The following RORA variants were observed in gnomAD, a reference collection of about 807,000 sequenced individuals.
RORA encodes the protein nuclear receptor ROR-alpha.
In RORA, 7 loss-of-function variants were observed where a neutral mutation model predicts 69.5. The observed-to-expected ratio is 0.10, with a 90% CI of 0.06 to 0.19. RORA has a LOEUF of 0.19. RORA is among the 10% of genes least tolerant of loss of function. The pLI is 1.00. For synonymous variants in RORA, 261 were observed against 240.8 expected (o/e 1.08, Z -0.78); for missense variants, 457 against 663.0 (o/e 0.69, Z 3.41).
intron 2 of RORA, among the ~76,000 whole-genome samples, chr15:60,655,782 G>A (rs2070212782): frequency 6.6e-6 from 1 of 152,242 alleles, no homozygotes; most frequent in Middle Eastern, 3.4e-3. Flanking sequence ...TTTGTCAACA[G>A]GCCACACATA....
chr15:61,137,840 T>A (rs1039383749), intron 1 of RORA, among the ~76,000 whole-genome samples: 6 of 152,186 alleles, frequency 3.9e-5, no homozygotes, highest in African/African-American at 7.2e-5. Context: ...GACATAACTA[T>A]CACACAATCA....
chr15:60,721,508 C>T (rs1016143378), intron 1 of RORA, among the ~76,000 whole-genome samples: 24 of 152,204 alleles, frequency 1.6e-4, no homozygotes, highest in Non-Finnish European at 2.9e-5. Context: ...CTCATACAGA[C>T]CAGATTTGTT....
At chr15:60,599,859 G>C (rs989846184) in intron 2 of RORA, among the ~76,000 whole-genome samples, 3 of 152,150 alleles carry the variant, frequency 2.0e-5, no homozygotes, top group African/African-American at 7.2e-5. Flanking sequence ...CTTATTGTAA[G>C]GATTAATCGT....
chr15:61,014,328 G>A (rs1034668616), intron 1 of RORA, among the ~76,000 whole-genome samples: 9 of 152,216 alleles, frequency 5.9e-5, no homozygotes, highest in Non-Finnish European at 4.4e-5. Flanking sequence ...GCACATAGTA[G>A]GTCCTTAGAC....
Position 60,567,415 on chromosome 15 carries a change from TA to T in RORA, c.197-35565del, listed in dbSNP as rs201636858. 4.7e-3 allele frequency among the ~76,000 whole-genome samples: 687 copies of T among 145,942 alleles called. 6 individuals are homozygous for T. The highest frequency in any genetic ancestry group is 0.016 in the African/African-American group (637 of 39,742). ...TTATCATTATTATTATTATTATTAT[TA>T]TTTTTTTTTTTCTGAGACTGAGTCT... On this transcript the variant is annotated intron_variant, in intron 2 of 10. Coordinates refer to ENST00000335670, the MANE Select transcript of RORA (RefSeq NM_134261.3).
intron 2 of RORA, among the ~76,000 whole-genome samples, chr15:60,558,674 T>A (rs1222616923): frequency 6.6e-6 from 1 of 152,254 alleles, no homozygotes; most frequent in South Asian, 2.1e-4. Context: ...TATTGGAGAT[T>A]GGTTTTATGT....
intron 1 of RORA, among the ~76,000 whole-genome samples, chr15:60,779,887 T>C (rs2072229169): frequency 6.6e-6 from 1 of 152,174 alleles, no homozygotes; most frequent in Admixed American, 6.5e-5. Context: ...GAGGTTTGCC[T>C]CAACTCGAAG....
At chr15:60,817,912 G>A (rs12903157) in intron 1 of RORA, among the ~76,000 whole-genome samples, 24,078 of 152,212 alleles carry the variant, frequency 0.16, 2,122 homozygotes, top group East Asian at 0.27. Flanking sequence ...TGAATACAAG[G>A]ATACAGTTTT....
At chr15:60,622,106 C>T (rs1198373641) in intron 2 of RORA, among the ~76,000 whole-genome samples, 2 of 151,798 alleles carry the variant, frequency 1.3e-5, no homozygotes, top group African/African-American at 2.4e-5. Context: ...GTGTATACTC[C>T]CTCTATAATA....
chr15:60,911,894 A>C (rs1282487379), intron 1 of RORA, among the ~76,000 whole-genome samples: 3 of 151,458 alleles, frequency 2.0e-5, no homozygotes, highest in African/African-American at 7.3e-5. Flanking sequence ...AAATACAAAA[A>C]AGACAGGGTT....
intron 6 of RORA, among the ~76,000 whole-genome samples, chr15:60,505,201 T>C (rs1458010497): frequency 3.9e-5 from 6 of 152,254 alleles, no homozygotes; most frequent in African/African-American, 1.4e-4. Context: ...TTGATTGTGA[T>C]ATTGAGACAA....
In RORA at chr15:60,640,948, TTTCTC is replaced by T. The variant is rs1228294961; in HGVS notation, c.196+37704_196+37708del. ...CTCCAGGAAAAAAGGGGACTATGCT[TTTCTC>T]TTCTTTTAATTTTTTTTGAGACAGA... On this transcript the variant is annotated intron_variant, in intron 2 of 10. Coordinates refer to ENST00000335670, the MANE Select transcript of RORA (RefSeq NM_134261.3). Among the ~76,000 whole-genome samples, 9 of 152,250 alleles carry T rather than the reference TTTCTC, an allele frequency of 5.9e-5. No individual in the cohort carries two copies. The East Asian group carries it at 1.7e-3, about 29-fold the overall frequency.
chr15:61,046,539 C>T (rs1042815098), intron 1 of RORA, among the ~76,000 whole-genome samples: 22 of 152,274 alleles, frequency 1.4e-4, no homozygotes, highest in Middle Eastern at 3.4e-3. Flanking sequence ...GAGCCAGAGG[C>T]GAGCCGCAGG....
intron 1 of RORA, among the ~76,000 whole-genome samples, chr15:61,060,364 G>A (rs2078166099): frequency 6.6e-6 from 1 of 152,134 alleles, no homozygotes; most frequent in African/African-American, 2.4e-5. Context: ...TCCTGGGAGA[G>A]TTAATGCATT....
chr15:60,575,116 C>T (rs1312119690), intron 2 of RORA, among the ~76,000 whole-genome samples: 3 of 151,882 alleles, frequency 2.0e-5, no homozygotes, highest in East Asian at 1.9e-4. Context: ...AACATAGCTC[C>T]GTTTGTCTAA....
intron 1 of RORA, among the ~76,000 whole-genome samples, chr15:61,051,992 C>G (rs549697938): frequency 6.6e-6 from 1 of 152,314 alleles, no homozygotes; most frequent in East Asian, 1.9e-4. Context: ...TCTTGTGCAG[C>G]CTGGAAGTCT....
chr15:60,836,376 G>T (rs1428056318), intron 1 of RORA, among the ~76,000 whole-genome samples: 1 of 152,090 alleles, frequency 6.6e-6, no homozygotes, highest in Non-Finnish European at 1.5e-5. Flanking sequence ...GTAAATTCAA[G>T]GACACTGGTT....
intron 3 of RORA, among the ~76,000 whole-genome samples, chr15:60,522,241 A>G (rs2066193214): frequency 6.6e-6 from 1 of 152,170 alleles, no homozygotes; most frequent in South Asian, 2.1e-4. Context: ...AATTATCCTT[A>G]TATCTGAAGG....
intron 1 of RORA, among the ~76,000 whole-genome samples, chr15:61,153,176 C>T (rs911136457): frequency 9.2e-5 from 14 of 152,210 alleles, no homozygotes; most frequent in African/African-American, 2.6e-4. Context: ...GAGAGGATTC[C>T]GGAAAGGCAG....
Sources: allele counts gnomAD v4.1 joint callset (sites outside exome capture counted in the v4.1 genomes callset), GRCh38; gene constraint gnomAD v4.1.1; transcripts MANE v1.5; gene names NCBI Gene and HGNC (gene_info 2026-07-23, HGNC 2026-07-21).